The following MDGA2 variants were observed in gnomAD, a reference collection of about 807,000 sequenced individuals.
The protein encoded by MDGA2 is MAM domain containing glycosylphosphatidylinositol anchor 2, also known as MAM domain-containing glycosylphosphatidylinositol anchor protein 2.
In MDGA2, 40 loss-of-function variants were observed where a neutral mutation model predicts 117.8. The ratio of observed to expected loss-of-function variants is 0.34; its 90% confidence interval spans 0.26 to 0.44. The LOEUF (loss-of-function observed/expected upper bound fraction) is 0.44. Among genes scored for constraint, MDGA2 ranks in the 20% least tolerant of loss-of-function variants. MDGA2 has a pLI of 1.00. For synonymous variants in MDGA2, 452 were observed against 439.0 expected, an observed-to-expected ratio of 1.03 and a Z score of -0.37; for missense variants, 1,123 against 1,250.6, an observed-to-expected ratio of 0.90 and a Z score of 1.54.
intron 5 of MDGA2, among the ~76,000 whole-genome samples, chr14:47,105,946 TCCGGCTTACAGTTTCGTTCCGTGACTAG>T (rs1880643313): frequency 1.7e-5 from 2 of 117,046 alleles, no homozygotes; most frequent in African/African-American, 7.0e-5. Flanking sequence ...TCACACCTGG[TCCGGCTTACAGTTTCGTTCCGTGACTAG>T]CCGACTAGCC....
At chr14:47,490,407 A>C (rs2138652080) in intron 1 of MDGA2, among the ~76,000 whole-genome samples, 1 of 152,246 alleles carries the variant, frequency 6.6e-6, no homozygotes, top group East Asian at 1.9e-4. Flanking sequence ...AAAGAATCTT[A>C]TTCTGAATAC....
intron 5 of MDGA2, among the ~76,000 whole-genome samples, chr14:47,107,593 T>C (rs1283680019): frequency 6.6e-6 from 1 of 151,750 alleles, no homozygotes; most frequent in East Asian, 1.9e-4. Flanking sequence ...AGCCCAAATT[T>C]CTTCCTCATC....
chr14:47,051,817 C>A (rs544383660), intron 7 of MDGA2, among the ~76,000 whole-genome samples: 4 of 151,948 alleles, frequency 2.6e-5, no homozygotes, highest in South Asian at 2.1e-4. Context: ...ATTTAATTTT[C>A]TTTTTGCCAA....
rs1490365225 is a variant in MDGA2 at position 46,855,846 on chromosome 14, A to G, written c.2753-692T>C. ...GACTCTAATTCTGTCGTCTTATATT[A>G]TCATTTAGCATCTTATTTTTTCAGT... On this transcript the variant is annotated intron_variant, in intron 14 of 16. Transcript: ENST00000399232. The surrounding 1 kb of genome is among the most constrained non-coding windows in gnomAD (Gnocchi z 4.1). 6.6e-6 allele frequency among the ~76,000 whole-genome samples: 1 copy of G among 152,118 alleles called. No individual in the cohort carries two copies. The highest frequency in any genetic ancestry group is 2.1e-4 in the South Asian group (1 of 4,830).
chr14:46,869,865 C>T (rs1881928527), intron 14 of MDGA2, among the ~76,000 whole-genome samples: 1 of 151,926 alleles, frequency 6.6e-6, no homozygotes. Context: ...AGGGAGGCCT[C>T]CAATCAACAG....
intron 10 of MDGA2, among the ~76,000 whole-genome samples, chr14:46,918,282 C>CAA (rs11450117): frequency 3.3e-5 from 5 of 151,518 alleles, no homozygotes; most frequent in Non-Finnish European, 5.9e-5. Flanking sequence ...GCATGTATAA[C>CAA]AAAAAAATGA....
chr14:47,330,667 A>G (rs1054179449), intron 1 of MDGA2, among the ~76,000 whole-genome samples: 2 of 151,882 alleles, frequency 1.3e-5, no homozygotes, highest in Non-Finnish European at 2.9e-5. Context: ...TAAATATTAT[A>G]ATAAAGCTAT....
chr14:46,874,006 C>A (rs757206052), intron 13 of MDGA2, 39 bp downstream of exon 13: 1 of 1,482,242 alleles, frequency 6.7e-7, no homozygotes, highest in Non-Finnish European at 8.9e-7. Flanking sequence ...TTTTAAAAGT[C>A]TCTGATTGCT....
chr14:47,103,434 G>A (rs1280496611), intron 5 of MDGA2, among the ~76,000 whole-genome samples: 6 of 152,120 alleles, frequency 3.9e-5, no homozygotes, highest in Non-Finnish European at 8.8e-5. Context: ...CCATTTATGT[G>A]GAGTTATTAT....
At chr14:46,887,819 T>C (rs1459288001) in intron 10 of MDGA2, among the ~76,000 whole-genome samples, 5 of 151,900 alleles carry the variant, frequency 3.3e-5, no homozygotes, top group African/African-American at 1.2e-4. Context: ...AAAAGATAGA[T>C]AAAATCAATT....
chr14:47,497,150 A>C (rs1894298553), intron 1 of MDGA2, among the ~76,000 whole-genome samples: 1 of 152,158 alleles, frequency 6.6e-6, no homozygotes, highest in African/African-American at 2.4e-5. Context: ...AAAAGGACTG[A>C]AGTTCACATC....
intron 2 of MDGA2, among the ~76,000 whole-genome samples, chr14:47,249,139 C>T (rs905083583): frequency 2.6e-5 from 4 of 151,584 alleles, no homozygotes; most frequent in Non-Finnish European, 5.9e-5. Flanking sequence ...TGCCTCAGCC[C>T]CCCGAGTAGA....
intron 1 of MDGA2, among the ~76,000 whole-genome samples, chr14:47,612,209 CAGAT>C (rs3985115): frequency 0.05 from 7,345 of 145,736 alleles, 169 homozygotes; most frequent in South Asian, 0.076. Context: ...GATAGATAGA[CAGAT>C]AGATAGATAG....
At position 47,484,538 on chromosome 14, in the gene MDGA2, C is replaced by T. The variant is rs144835227; in HGVS notation, c.281-182988G>A. On this transcript the variant is annotated intron_variant, in intron 1 of 16. Coordinates refer to ENST00000399232, the MANE Select transcript of MDGA2 (RefSeq NM_001113498.3). Reference sequence around the variant, plus strand: ...AAATTGCTAATGGATTCAATATCATCGGTTAATTTTGCTCTCCTGCTTGGT... The same window carrying T: ...AAATTGCTAATGGATTCAATATCATTGGTTAATTTTGCTCTCCTGCTTGGT... Among the ~76,000 whole-genome samples, 642 of 152,220 alleles carry T rather than the reference C, an allele frequency of 4.2e-3. 3 individuals carry two copies. Among genetic ancestry groups the T allele is most frequent in the African/African-American group, 0.013 (553 of 41,516 alleles).
intron 1 of MDGA2, among the ~76,000 whole-genome samples, chr14:47,627,705 C>T (rs1019537869): frequency 6.6e-6 from 1 of 152,136 alleles, no homozygotes; most frequent in Non-Finnish European, 1.5e-5. Flanking sequence ...AGCAGTCTGC[C>T]CCAGCCAGCA....
In MDGA2 at chr14:47,368,138, C is replaced by T. The variant is rs540611670; in HGVS notation, c.281-66588G>A. ...GTACTAAAAATACAAAAAAATTAGC[C>T]GGGAGTGGTGGCTCATGCCTGTAAT... is the stretch of plus-strand genomic sequence containing the variant. On this transcript the variant is annotated intron_variant, in intron 1 of 16. Coordinates refer to ENST00000399232, the MANE Select transcript of MDGA2 (RefSeq NM_001113498.3). 1.6e-4 allele frequency among the ~76,000 whole-genome samples: 24 copies of T among 151,806 alleles called. 1 individual carries two copies. The South Asian group carries it at 4.8e-3, about 30-fold the overall frequency.
At chr14:46,922,726 C>T (rs1884179110) in intron 9 of MDGA2, among the ~76,000 whole-genome samples, 1 of 152,106 alleles carries the variant, frequency 6.6e-6, no homozygotes. Context: ...AAATTACCTC[C>T]AGGTCTATAT....
rs71112467 is a variant in MDGA2, at chr14:46,864,545, G to GTTTTTTTTTTTTTTTTTTTTT, written c.2752+8867_2752+8887dup. 4.9e-4 allele frequency among the ~76,000 whole-genome samples: 25 copies of GTTTTTTTTTTTTTTTTTTTTT among 51,478 alleles called. 4 individuals carry two copies. The highest frequency in any genetic ancestry group is 8.3e-4 in the Non-Finnish European group (21 of 25,448). 33.8% of individuals were successfully genotyped at this position (51,478 alleles called of 152,430 possible). A position where few individuals can be genotyped will look rare whatever the true frequency, so the allele number is the denominator to read the frequency against. ...TTTGTTGCGCTTTGCAGATATTGCT[G>GTTTTTTTTTTTTTTTTTTTTT]TTTTTTTTTTTTTTTTTTTTTTTTT... On this transcript the variant is annotated intron_variant, in intron 14 of 16. Transcript: ENST00000399232.
At chr14:47,331,963 A>AAT (rs1185932284) in intron 1 of MDGA2, among the ~76,000 whole-genome samples, 1 of 152,024 alleles carries the variant, frequency 6.6e-6, no homozygotes, top group African/African-American at 2.4e-5. Context: ...GAAGTCAAAC[A>AAT]ATTTAACCAA....
Sources: gnomAD v4.1 joint callset for allele counts (sites outside exome capture counted in the v4.1 genomes callset) on GRCh38, gnomAD v4.1.1 for gene constraint, Gnocchi (gnomAD v3.1) non-coding constraint, MANE v1.5 for transcripts, NCBI Gene and HGNC (gene_info 2026-07-23, HGNC 2026-07-21) for gene names.